The following KCNT1 variants were observed in gnomAD, a reference collection of about 807,000 sequenced individuals.
KCNT1 encodes potassium channel subfamily T member 1.
Under a neutral mutation model 147.8 loss-of-function variants are expected in KCNT1, and 78 were observed. The observed-to-expected ratio is 0.53, with a 90% CI of 0.44 to 0.64. The LOEUF is 0.64. KCNT1 is among the 30% of genes least tolerant of loss of function. KCNT1 has a pLI of 0.00. For synonymous variants in KCNT1, 867 were observed against 748.8 expected (o/e 1.16, Z -2.58); for missense variants, 1,419 against 1,750.3 (o/e 0.81, Z 3.38).
intron 29 of KCNT1, chr9:135,788,224 G>A (rs972353990): frequency 1.5e-5 from 21 of 1,392,620 alleles, no homozygotes; most frequent in Admixed American, 1.0e-4. Context: ...CTTCACCGCC[G>A]GCAGCCTTGC....
intron 24 of KCNT1, among the ~76,000 whole-genome samples, chr9:135,780,645 G>A (rs1319903173): frequency 2.6e-5 from 4 of 152,228 alleles, no homozygotes; most frequent in Non-Finnish European, 2.9e-5. Context: ...CTCAGCACAG[G>A]AGAGGGCTCT....
intron 2 of KCNT1, among the ~76,000 whole-genome samples, chr9:135,727,431 CCT>C (rs1411459098): frequency 8.0e-6 from 1 of 124,522 alleles, no homozygotes; most frequent in Non-Finnish European, 1.8e-5. Context: ...TTCTCTCCCC[CCT>C]CTCCCTCTCT....
intron 1 of KCNT1, among the ~76,000 whole-genome samples, chr9:135,704,123 G>T (rs563220248): frequency 6.6e-6 from 1 of 152,336 alleles, no homozygotes; most frequent in East Asian, 1.9e-4. Flanking sequence ...CTGGTGGTGG[G>T]GGGAGCTCTG....
intron 9 of KCNT1, 118 bp downstream of exon 9, chr9:135,757,499 G>A (rs771244823): frequency 1.6e-4 from 137 of 867,970 alleles, no homozygotes; most frequent in Non-Finnish European, 2.3e-4. Context: ...GACCTGTAGA[G>A]GACCGGGAAG....
Position 135,794,020 on chromosome 9 carries a change from C to G in KCNT1, c.*1859C>G, listed in dbSNP as rs1313106564. ...TCACCTGGGTGGCCTCTCATGTCCCCCACACCCTGGCCCCCAGGCGAGGGG... is the reference window on the plus strand; with the variant it reads ...TCACCTGGGTGGCCTCTCATGTCCCGCACACCCTGGCCCCCAGGCGAGGGG... On this transcript the variant is annotated 3_prime_UTR_variant, in exon 31 of 31. Coordinates refer to ENST00000371757, the MANE Select transcript of KCNT1 (RefSeq NM_020822.3). 1 of 152,458 alleles carries G rather than the reference C, an allele frequency of 6.6e-6. No homozygotes were observed. Among genetic ancestry groups the G allele is most frequent in the Admixed American group, 6.5e-5 (1 of 15,292 alleles). 9.4% of individuals were successfully genotyped at this position (152,458 alleles called of 1,614,324 possible).
chr9:135,756,353 G>T (rs1831479441), intron 6 of KCNT1, among the ~76,000 whole-genome samples: 1 of 152,154 alleles, frequency 6.6e-6, no homozygotes, highest in African/African-American at 2.4e-5. Context: ...TCCTGGGGTG[G>T]AGAGTGCACA....
At chr9:135,703,800 C>G (rs1171235900) in intron 1 of KCNT1, among the ~76,000 whole-genome samples, 2 of 152,238 alleles carry the variant, frequency 1.3e-5, no homozygotes, top group African/African-American at 4.8e-5. Context: ...CCTCAGGGTC[C>G]AGCCTTTAGC....
chr9:135,772,865 C>A lies in KCNT1; in HGVS notation c.2159C>A (p.Ser720Ter). The A allele has an allele frequency of 6.4e-7, 1 of 1,553,460 alleles. No homozygotes were observed. The highest frequency in any genetic ancestry group is 2.4e-5 in the East Asian group (1 of 41,478). The change falls in exon 19 of 31, where the codon TCA becomes TAA. Residue 720 changes from serine (S) to a stop codon, truncating the protein, a stop_gained. Coordinates refer to ENST00000371757, the MANE Select transcript of KCNT1 (RefSeq NM_020822.3). LOFTEE classifies it high-confidence loss of function. ...IAPVLELADS[S>*]ALLPCDLLSD... is the part of the protein sequence containing the mutation. ...CCCGTCCTGGAACTGGCCGACAGCT[C>A]AGCCCTGCTGCCCTGCGACCTGCTG...
intron 4 of KCNT1, chr9:135,753,664 T>G: frequency 1.8e-6 from 1 of 547,264 alleles, no homozygotes; most frequent in South Asian, 2.3e-5. Flanking sequence ...ATCCCGCAGA[T>G]GTGGGATGTA....
At chr9:135,773,037 C>A in intron 19 of KCNT1, 88 bp downstream of exon 19, 2 of 930,930 alleles carry the variant, frequency 2.1e-6, no homozygotes, top group South Asian at 2.1e-5. Context: ...CTTGGTGGTC[C>A]CCCATGCTCT....
chr9:135,784,495 C>G (rs1833866435), intron 25 of KCNT1, 40 bp from the exon 26 acceptor site: 1 of 372,800 alleles, frequency 2.7e-6, no homozygotes, highest in East Asian at 4.1e-5. Context: ...CCCTCCCTCC[C>G]TCCCTCCCTC....
intron 2 of KCNT1, among the ~76,000 whole-genome samples, chr9:135,717,747 A>C (rs1356418000): frequency 6.6e-6 from 1 of 152,182 alleles, no homozygotes; most frequent in Non-Finnish European, 1.5e-5. Context: ...CACTTACCCC[A>C]CCCAGGAATG....
At chr9:135,774,597 C>T (rs546836096) in intron 19 of KCNT1, among the ~76,000 whole-genome samples, 193 of 142,842 alleles carry the variant, frequency 1.4e-3, no homozygotes, top group African/African-American at 3.5e-3. Flanking sequence ...ATGTGTGGTA[C>T]GTGTTGTGTG....
At chr9:135,791,670 G>A in intron 29 of KCNT1, 127 bp from the exon 30 acceptor site, 1 of 790,450 alleles carries the variant, frequency 1.3e-6, no homozygotes, top group Non-Finnish European at 2.1e-6. Context: ...ATGAGGTGCT[G>A]GAGCAGAATG....
At chr9:135,757,858 C>G (rs555325920) in intron 9 of KCNT1, among the ~76,000 whole-genome samples, 1 of 152,224 alleles carries the variant, frequency 6.6e-6, no homozygotes, top group East Asian at 1.9e-4. Flanking sequence ...GGCGCCCACC[C>G]TCTCCAAGCC....
At chr9:135,739,608 C>A (rs562849079) in intron 2 of KCNT1, among the ~76,000 whole-genome samples, 15 of 152,308 alleles carry the variant, frequency 9.8e-5, no homozygotes, top group African/African-American at 3.4e-4. Flanking sequence ...CTCGGCACAC[C>A]CCTTCCCCTG....
intron 13 of KCNT1, among the ~76,000 whole-genome samples, chr9:135,767,966 C>T (rs965118129): frequency 6.6e-6 from 1 of 151,160 alleles, no homozygotes. Context: ...CCCCTGCCCC[C>T]ACCCGCTGTC....
Position 135,792,139 on chromosome 9 carries a change from C to T in KCNT1, c.3686C>T (p.Thr1229Ile), listed in dbSNP as rs1344122297. ...SHKLSSCNPE[T>I]RDETQL Reference sequence around the variant, plus strand: ...AAGCTGTCGTCCTGCAACCCCGAGACTCGCGACGAGACACAGCTCTGAGCC... The same window carrying T: ...AAGCTGTCGTCCTGCAACCCCGAGATTCGCGACGAGACACAGCTCTGAGCC... The change falls in exon 31 of 31, where the codon ACT (threonine) becomes ATT (isoleucine). Residue 1229 changes from threonine (T) to isoleucine (I), a missense_variant. Transcript: ENST00000371757. The T allele has an allele frequency of 6.2e-7, 1 of 1,606,088 alleles. No homozygotes were observed. The highest frequency in any genetic ancestry group is 1.7e-5 in the Admixed American group (1 of 59,924).
chr9:135,785,112 G>A (rs1359846721), intron 27 of KCNT1, among the ~76,000 whole-genome samples, 198 bp from the exon 28 acceptor site: 1 of 152,202 alleles, frequency 6.6e-6, no homozygotes, highest in Non-Finnish European at 1.5e-5. Flanking sequence ...AGCTGGAGCA[G>A]CCATGACCCC....
Sources: allele counts gnomAD v4.1 joint callset (sites outside exome capture counted in the v4.1 genomes callset), GRCh38; gene constraint gnomAD v4.1.1; transcripts MANE v1.5; gene names NCBI Gene and HGNC (gene_info 2026-07-23, HGNC 2026-07-21).